The following KIF5C variants were observed in gnomAD, a reference collection of about 807,000 sequenced individuals.
KIF5C encodes kinesin family member 5C.
In KIF5C, 18 loss-of-function variants were observed where a neutral mutation model predicts 125.2. That is an observed-to-expected ratio of 0.14 (90% CI 0.10 to 0.21). KIF5C has a LOEUF of 0.21. Ranked by LOEUF, KIF5C falls within the 10% of genes least tolerant of loss-of-function variation. The pLI is 1.00. For synonymous variants in KIF5C, 405 were observed against 434.0 expected (o/e 0.93, Z 0.83); for missense variants, 780 against 1,183.8 (o/e 0.66, Z 5.01).
chr2:148,914,580 G>GTT (rs1370575643), intron 1 of KIF5C, among the ~76,000 whole-genome samples: 1 of 152,244 alleles, frequency 6.6e-6, no homozygotes, highest in Non-Finnish European at 1.5e-5. Flanking sequence ...CTTGTGTGTT[G>GTT]CCTTTGTTCC....
chr2:149,000,443 T>TGGAACA lies in KIF5C; in HGVS notation c.2235_2240dup (p.Gln746_Glu747dup). 6.3e-7 allele frequency: 1 copy of TGGAACA among 1,585,530 alleles called. No individual in the cohort carries two copies. The highest frequency in any genetic ancestry group is 1.1e-5 in the South Asian group (1 of 87,264). ...TTCAGTTTGAATCAGAAACTGCAAC[T>TGGAACA]GGAACAGGAGAAGCTTAGTTCTGAT... On this transcript the variant is annotated inframe_insertion, in exon 20 of 26. Transcript: ENST00000435030.
intron 1 of KIF5C, among the ~76,000 whole-genome samples, chr2:148,889,041 C>A (rs1207980412): frequency 6.6e-6 from 1 of 152,128 alleles, no homozygotes; most frequent in African/African-American, 2.4e-5. Context: ...GAGCTGTGTT[C>A]TTTTGTTGAA....
chr2:149,025,549 A>G lies in KIF5C; in HGVS notation c.*2479A>G, dbSNP rs1304726593. ...AATGTAAAAACCACACTTCTGAACA[A>G]CTAAGCTCATGAATATGATTTTGGT... On this transcript the variant is annotated 3_prime_UTR_variant, in exon 26 of 26. Coordinates refer to ENST00000435030, the MANE Select transcript of KIF5C (RefSeq NM_004522.3). The G allele has an allele frequency of 6.6e-6, 1 of 152,308 alleles. No homozygotes were observed. Among genetic ancestry groups the G allele is most frequent in the Non-Finnish European group, 1.5e-5 (1 of 68,040 alleles). The allele number at this position is 152,308 out of a possible 1,614,324, so 9.4% of individuals were successfully genotyped here. A position where few individuals can be genotyped will look rare whatever the true frequency, so the allele number is the denominator to read the frequency against.
Position 149,022,384 on chromosome 2 carries a change from C to CT in KIF5C, c.*8-690dup, listed in dbSNP as rs1340280191. ...TTCATGTGCCACTATCCACATGTGT[C>CT]TTTTGAGCTCTCAAAATGTGGCTAA... is the stretch of plus-strand genomic sequence containing the variant. On this transcript the variant is annotated intron_variant, in intron 25 of 25. Coordinates refer to ENST00000435030, the MANE Select transcript of KIF5C (RefSeq NM_004522.3). Among the ~76,000 whole-genome samples the CT allele has an allele frequency of 2.0e-5, 3 of 151,966 alleles. No homozygotes were observed. The South Asian group carries it at 6.2e-4, about 32-fold the overall frequency.
intron 10 of KIF5C, among the ~76,000 whole-genome samples, chr2:148,951,475 C>T (rs1682657020): frequency 6.6e-6 from 1 of 152,098 alleles, no homozygotes; most frequent in Non-Finnish European, 1.5e-5. Flanking sequence ...TCCCACTGTC[C>T]AAGGCCTGAC....
At chr2:149,018,551 G>A (rs1296789074) in intron 25 of KIF5C, among the ~76,000 whole-genome samples, 2 of 152,212 alleles carry the variant, frequency 1.3e-5, no homozygotes, top group Non-Finnish European at 2.9e-5. Flanking sequence ...TCAATAGACT[G>A]GGTATGGTGG....
chr2:148,930,637 G>C (rs1164411707), intron 3 of KIF5C, among the ~76,000 whole-genome samples: 2 of 152,170 alleles, frequency 1.3e-5, no homozygotes, highest in East Asian at 1.9e-4. Flanking sequence ...AATCCTCAGG[G>C]CTCTGATGTT....
At chr2:148,978,534 T>C (rs1320750459) in intron 12 of KIF5C, among the ~76,000 whole-genome samples, 1 of 152,006 alleles carries the variant, frequency 6.6e-6, no homozygotes, top group Non-Finnish European at 1.5e-5. Flanking sequence ...GATAATAACA[T>C]ATGACAGTGC....
At chr2:148,969,234 A>G (rs1680832331) in intron 11 of KIF5C, among the ~76,000 whole-genome samples, 1 of 152,082 alleles carries the variant, frequency 6.6e-6, no homozygotes, top group Non-Finnish European at 1.5e-5. Flanking sequence ...ATGGATTTCT[A>G]TTTTTTGTAG....
chr2:148,898,760 T>C (rs1680770038), intron 1 of KIF5C, among the ~76,000 whole-genome samples: 1 of 152,198 alleles, frequency 6.6e-6, no homozygotes, highest in Admixed American at 6.5e-5. Flanking sequence ...AAGTTGGACC[T>C]CTGACATCCA....
chr2:148,990,044 G>A (rs1681484569), intron 15 of KIF5C, among the ~76,000 whole-genome samples: 1 of 151,714 alleles, frequency 6.6e-6, no homozygotes, highest in African/African-American at 2.4e-5. Context: ...TTTCTGCGCT[G>A]GATTCTGGAC....
chr2:148,999,083 A>G (rs1461200597), intron 19 of KIF5C, among the ~76,000 whole-genome samples: 1 of 152,228 alleles, frequency 6.6e-6, no homozygotes, highest in East Asian at 1.9e-4. Flanking sequence ...CCAGGATGGC[A>G]TCATTGCAGT....
chr2:148,926,974 TCTC>T (rs1389383940), intron 2 of KIF5C, among the ~76,000 whole-genome samples: 1 of 152,188 alleles, frequency 6.6e-6, no homozygotes, highest in East Asian at 1.9e-4. Context: ...TTTTATGTGT[TCTC>T]CTTTTCTTAC....
At chr2:148,946,756 G>A in intron 7 of KIF5C, 143 bp from the exon 8 acceptor site, 1 of 1,159,672 alleles carries the variant, frequency 8.6e-7, no homozygotes, top group Non-Finnish European at 1.2e-6. Context: ...AGAAACAGGG[G>A]TCTCAGATAA....
intron 1 of KIF5C, among the ~76,000 whole-genome samples, chr2:148,921,416 G>A (rs958740385): frequency 1.3e-5 from 2 of 152,166 alleles, no homozygotes; most frequent in East Asian, 3.9e-4. Context: ...TTTCTAATAA[G>A]AGCAGCTACT....
At chr2:149,003,162 T>G (rs898720488) in intron 21 of KIF5C, among the ~76,000 whole-genome samples, 1 of 152,212 alleles carries the variant, frequency 6.6e-6, no homozygotes, top group Admixed American at 6.5e-5. Context: ...TAGACTCGGA[T>G]GTTTTCACTC....
At chr2:148,942,253 C>T (rs1055032189) in intron 6 of KIF5C, among the ~76,000 whole-genome samples, 2 of 152,094 alleles carry the variant, frequency 1.3e-5, no homozygotes, top group African/African-American at 4.8e-5. Context: ...TTTGCAGTAA[C>T]GCCTATTATA....
chr2:148,948,340 GA>G (rs1361645762), intron 8 of KIF5C, among the ~76,000 whole-genome samples: 1 of 149,756 alleles, frequency 6.7e-6, no homozygotes, highest in African/African-American at 2.5e-5. Context: ...CTGGGTGACA[GA>G]GGGAGACTCT....
In KIF5C at chr2:148,981,472, C is replaced by T. The variant is rs1352513154; in HGVS notation, c.1480C>T (p.Leu494=). ...AGAAGTTCTCCAGGCCCTGGAGGAG[C>T]TGGCTGTCAATTATGACCAGAAATC... The part of the protein sequence containing the change: ...VKEVLQALEE[L]AVNYDQKSQE... Residue 494 remains leucine, a synonymous_variant, in exon 14 of 26, where the codon CTG becomes TTG. Transcript: ENST00000435030. 2.5e-6 allele frequency: 4 copies of T among 1,608,242 alleles called. No homozygotes were observed. The East Asian group carries it at 9.0e-5, about 36-fold the overall frequency.
Sources: gnomAD v4.1 joint callset for allele counts (sites outside exome capture counted in the v4.1 genomes callset) on GRCh38, gnomAD v4.1.1 for gene constraint, MANE v1.5 for transcripts, NCBI Gene and HGNC (gene_info 2026-07-23, HGNC 2026-07-21) for gene names.